Variants in PECAM1 observed in about 807,000 individuals in gnomAD.
PECAM1 encodes the protein platelet endothelial cell adhesion molecule.
A neutral mutation model predicts 13.8 loss-of-function variants in PECAM1; 8 were observed. That is an observed-to-expected ratio of 0.58 (90% confidence interval 0.34 to 1.05). PECAM1 has a LOEUF of 1.05. Among genes scored for constraint, PECAM1 ranks in the 50% least tolerant of loss-of-function variants. The pLI is 0.03. For missense variants in PECAM1, 304 were observed against 141.2 expected (o/e 2.15, Z -5.84); for synonymous variants, 136 against 52.6 (o/e 2.58, Z -6.86).
chr17:64,342,333 C>T (rs9892608), intron 13 of PECAM1, among the ~76,000 whole-genome samples: 8,879 of 152,144 alleles, frequency 0.058, 897 homozygotes, highest in African/African-American at 0.2. Flanking sequence ...GCTGGCCCCA[C>T]TCCTCTTCCC....
In PECAM1 at chr17:64,360,261, G is replaced by A. The variant is rs939038106; in HGVS notation, c.1371C>T (p.Asn457=). The A allele has an allele frequency of 1.1e-5, 5 of 475,248 alleles. No individual in the cohort carries two copies. The East Asian group carries it at 1.6e-4, about 15-fold the overall frequency. 29.4% of individuals were successfully genotyped at this position (475,248 alleles called of 1,614,324 possible). A position where few individuals can be genotyped will look rare whatever the true frequency, so the allele number is the denominator to read the frequency against. Residue 457 remains asparagine, a synonymous_variant, in exon 7 of 16, where the codon AAC becomes AAT. Coordinates refer to ENST00000563924, the MANE Select transcript of PECAM1 (RefSeq NM_000442.5). ...TSKVLENSTK[N]SNDPAVFKDN... ...CTTTGAATACCGCAGGATCATTTGA[G>A]TTCTTGGTACTATTCTCCAAAACTT...
At position 64,347,370 on chromosome 17, in the gene PECAM1, A is replaced by T. The variant is rs113248125; in HGVS notation, c.2107+890T>A. ...CCATCTCTACTAAAAATACAAAAAA[A>T]AAATAAATAAATTAGCCGGCTGTGG... On this transcript the variant is annotated intron_variant, in intron 13 of 15. Coordinates refer to ENST00000563924, the MANE Select transcript of PECAM1 (RefSeq NM_000442.5). Among the ~76,000 whole-genome samples, 90 of 150,982 alleles carry T rather than the reference A, an allele frequency of 6.0e-4. 1 individual carries two copies. The highest frequency in any genetic ancestry group is 2.5e-3 in the South Asian group (12 of 4,798).
At chr17:64,356,496 C>A in intron 7 of PECAM1, 98 bp from the exon 8 acceptor site, 1 of 406,262 alleles carries the variant, frequency 2.5e-6, no homozygotes, top group Non-Finnish European at 4.4e-6. Context: ...TCCTCTGAGA[C>A]AGAGTCCCGC....
intron 2 of PECAM1, among the ~76,000 whole-genome samples, chr17:64,380,553 T>C (rs1204434542): frequency 1.3e-5 from 2 of 152,188 alleles, no homozygotes; most frequent in East Asian, 1.9e-4. Context: ...TAGCCCCCCA[T>C]CTATCTCCAT....
intron 3 of PECAM1, 118 bp from the exon 4 acceptor site, chr17:64,375,474 G>A (rs1489135010): frequency 5.0e-6 from 2 of 397,548 alleles, no homozygotes; most frequent in Non-Finnish European, 8.8e-6. Flanking sequence ...TGACCCATGA[G>A]AGGGCTCTTT....
chr17:64,345,705 CTG>C (rs2035546936), intron 13 of PECAM1, among the ~76,000 whole-genome samples: 2 of 133,240 alleles, frequency 1.5e-5, no homozygotes, highest in Non-Finnish European at 3.1e-5. Context: ...AAGAGCAAGA[CTG>C]TCATAAAAAA....
At chr17:64,350,290 C>T in intron 12 of PECAM1, 90 bp downstream of exon 12, 1 of 399,358 alleles carries the variant, frequency 2.5e-6, no homozygotes, top group African/African-American at 2.1e-5. Context: ...AAATTATCCA[C>T]AGTCCTTCAA....
chr17:64,346,671 C>T (rs1019102709), intron 13 of PECAM1, among the ~76,000 whole-genome samples: 11 of 152,176 alleles, frequency 7.2e-5, no homozygotes, highest in South Asian at 4.1e-4. Flanking sequence ...CCAAAACAAA[C>T]GAGATTGATG....
chr17:64,363,709 G>A (rs2036038125), intron 5 of PECAM1, among the ~76,000 whole-genome samples: 4 of 152,302 alleles, frequency 2.6e-5, no homozygotes, highest in South Asian at 4.2e-4. Flanking sequence ...CACTTTGGGA[G>A]GCAGAGGTGG....
At chr17:64,385,644 C>T (rs1300013116) in intron 2 of PECAM1, among the ~76,000 whole-genome samples, 1 of 152,110 alleles carries the variant, frequency 6.6e-6, no homozygotes, top group Non-Finnish European at 1.5e-5. Context: ...TCCTTGCTGT[C>T]CCAAACAGCA....
chr17:64,367,984 G>A (rs2036150936), intron 5 of PECAM1, among the ~76,000 whole-genome samples: 1 of 152,166 alleles, frequency 6.6e-6, no homozygotes, highest in Non-Finnish European at 1.5e-5. Context: ...TATGGTGCTG[G>A]AGACTGTTGC....
chr17:64,347,413 C>T (rs2035596698), intron 13 of PECAM1, among the ~76,000 whole-genome samples: 1 of 150,524 alleles, frequency 6.6e-6, no homozygotes, highest in South Asian at 2.1e-4. Context: ...TGCCTGTAAT[C>T]CCAGCTACTC....
At chr17:64,342,966 C>T (rs1373079689) in intron 13 of PECAM1, among the ~76,000 whole-genome samples, 2 of 152,120 alleles carry the variant, frequency 1.3e-5, no homozygotes, top group Non-Finnish European at 2.9e-5. Flanking sequence ...ACAGGGTGTG[C>T]ACACACATAC....
At chr17:64,375,448 G>A (rs1261966880) in intron 3 of PECAM1, 92 bp from the exon 4 acceptor site, 8 of 398,910 alleles carry the variant, frequency 2.0e-5, no homozygotes, top group African/African-American at 1.0e-4. Context: ...GCCTCCCTCC[G>A]CTGAGTGACT....
rs1445319994 is a variant in PECAM1 at position 64,322,318 on chromosome 17, G to A, written c.*1498C>T. On this transcript the variant is annotated 3_prime_UTR_variant, in exon 16 of 16. Coordinates refer to ENST00000563924, the MANE Select transcript of PECAM1 (RefSeq NM_000442.5). ...GGAGAACTGCTTGAACCCAGGAGGC[G>A]GAGGTTGCAGTGAGCAGAGGTTGCG... The A allele has an allele frequency of 2.8e-5, 18 of 646,482 alleles. No individual in the cohort carries two copies. The highest frequency in any genetic ancestry group is 4.0e-5 in the African/African-American group (2 of 50,572). 40.0% of individuals were successfully genotyped at this position (646,482 alleles called of 1,614,324 possible).
chr17:64,370,381 A>C (rs1309929726), intron 4 of PECAM1: 1 of 172,142 alleles, frequency 5.8e-6, no homozygotes, highest in African/African-American at 2.4e-5. Context: ...TCAGCACTTC[A>C]TGGAAGCTTG....
chr17:64,351,066 C>G (rs1263106662), intron 11 of PECAM1, among the ~76,000 whole-genome samples: 2 of 151,958 alleles, frequency 1.3e-5, no homozygotes, highest in African/African-American at 4.8e-5. Context: ...TTAGTAGAAA[C>G]AGGGTTACAC....
intron 5 of PECAM1, among the ~76,000 whole-genome samples, chr17:64,368,260 C>T (rs943672862): frequency 2.6e-5 from 4 of 152,120 alleles, no homozygotes; most frequent in Non-Finnish European, 5.9e-5. Flanking sequence ...CTGTTCTCAG[C>T]GGCTTGCATT....
intron 7 of PECAM1, among the ~76,000 whole-genome samples, chr17:64,357,073 T>C (rs1047194010): frequency 0.016 from 2,361 of 152,268 alleles, 59 homozygotes; most frequent in African/African-American, 0.053. Flanking sequence ...CATACTTCAC[T>C]GTTGCCCAGG....
Sources: gnomAD v4.1 joint callset for allele counts (sites outside exome capture counted in the v4.1 genomes callset) on GRCh38, gnomAD v4.1.1 for gene constraint, MANE v1.5 for transcripts, NCBI Gene and HGNC (gene_info 2026-07-23, HGNC 2026-07-21) for gene names.